ZNF804A: variants seen among roughly 807,000 people sequenced by gnomAD.
ZNF804A encodes the protein zinc finger protein 804A.
In ZNF804A, 2 loss-of-function variants were observed where a neutral mutation model predicts 16.5. The ratio of observed to expected loss-of-function variants is 0.12; its 90% confidence interval spans 0.05 to 0.38. The LOEUF is 0.38. ZNF804A is among the 10% of genes least tolerant of loss of function. The pLI, the probability that ZNF804A is intolerant of heterozygous loss-of-function variation, is 0.99. For synonymous variants in ZNF804A, 534 were observed against 489.6 expected (o/e 1.09, Z -1.20); for missense variants, 1,473 against 1,390.7 (o/e 1.06, Z -0.94).
At chr2:184,735,630 A>C (rs1693594653) in intron 1 of ZNF804A, among the ~76,000 whole-genome samples, 1 of 152,228 alleles carries the variant, frequency 6.6e-6, no homozygotes, top group African/African-American at 2.4e-5. Context: ...ATATTATTAC[A>C]CTAATTTCTG....
chr2:184,695,584 T>A (rs1253331067), intron 1 of ZNF804A, among the ~76,000 whole-genome samples: 1 of 151,842 alleles, frequency 6.6e-6, no homozygotes, highest in African/African-American at 2.4e-5. Context: ...GTTCAGCTAA[T>A]TTTTTTACAT....
chr2:184,693,895 T>TA lies in ZNF804A; in HGVS notation c.111+94836dup, dbSNP rs754165679. 1.1e-3 allele frequency among the ~76,000 whole-genome samples: 143 copies of TA among 130,224 alleles called. 1 individual carries two copies. The highest frequency in any genetic ancestry group is 2.1e-3 in the African/African-American group (77 of 35,934). 85.4% of individuals were successfully genotyped at this position (130,224 alleles called of 152,430 possible). A position where few individuals can be genotyped will look rare whatever the true frequency, so the allele number is the denominator to read the frequency against. On this transcript the variant is annotated intron_variant, in intron 1 of 3. Coordinates refer to ENST00000302277, the MANE Select transcript of ZNF804A (RefSeq NM_194250.2). The stretch of plus-strand genomic sequence containing the variant: ...CATGAATACTCAACTATTCTAAGAA[T>TA]AAAAAAAAAAATCGATGATGCAACT...
chr2:184,836,279 T>C (rs983764491), intron 1 of ZNF804A, among the ~76,000 whole-genome samples: 8 of 152,130 alleles, frequency 5.3e-5, no homozygotes, highest in Non-Finnish European at 1.0e-4. Flanking sequence ...TGCTGCCTGT[T>C]ACTAAAAGCA....
intron 1 of ZNF804A, among the ~76,000 whole-genome samples, chr2:184,621,598 C>T (rs1195942299): frequency 6.6e-6 from 1 of 151,610 alleles, no homozygotes; most frequent in Non-Finnish European, 1.5e-5. Flanking sequence ...TGATACTCTA[C>T]TAGGAGTATT....
intron 1 of ZNF804A, among the ~76,000 whole-genome samples, chr2:184,785,819 A>T (rs189317395): frequency 2.6e-4 from 40 of 152,220 alleles, no homozygotes; most frequent in South Asian, 2.1e-4. Flanking sequence ...GTACACATTG[A>T]TTATACTGGA....
intron 2 of ZNF804A, among the ~76,000 whole-genome samples, chr2:184,872,752 C>A (rs1450457033): frequency 6.6e-6 from 1 of 152,084 alleles, no homozygotes; most frequent in East Asian, 1.9e-4. Flanking sequence ...ATAAACTTCT[C>A]AAGCTGATTC....
At chr2:184,640,246 G>T (rs1465957106) in intron 1 of ZNF804A, among the ~76,000 whole-genome samples, 2 of 151,632 alleles carry the variant, frequency 1.3e-5, no homozygotes, top group East Asian at 3.9e-4. Flanking sequence ...GGAGGAAGAG[G>T]AGGAGGAGAA....
Position 184,838,385 on chromosome 2 carries a change from A to C in ZNF804A, c.112-27984A>C, listed in dbSNP as rs555047102. Among the ~76,000 whole-genome samples the C allele has an allele frequency of 3.9e-5, 6 of 152,246 alleles. No homozygotes were observed. The East Asian group carries it at 9.7e-4, about 24-fold the overall frequency. On this transcript the variant is annotated intron_variant, in intron 1 of 3. Transcript: ENST00000302277. Reference sequence around the variant, plus strand: ...TCATATCTAAAATGACAACAATAATAGGAACCAATGTTATGAAGTTGTTAT... The same window carrying C: ...TCATATCTAAAATGACAACAATAATCGGAACCAATGTTATGAAGTTGTTAT...
At chr2:184,702,078 T>C (rs1397062425) in intron 1 of ZNF804A, among the ~76,000 whole-genome samples, 2 of 151,982 alleles carry the variant, frequency 1.3e-5, no homozygotes, top group African/African-American at 2.4e-5. Context: ...AAGCCAGTTG[T>C]AGAATAAAAA....
At chr2:184,882,675 T>C (rs1684827262) in intron 2 of ZNF804A, among the ~76,000 whole-genome samples, 1 of 152,110 alleles carries the variant, frequency 6.6e-6, no homozygotes, top group Admixed American at 6.5e-5. Flanking sequence ...TTAAACAGCC[T>C]GCTCCTGATT....
At position 184,779,630 on chromosome 2, in the gene ZNF804A, C is replaced by T. The variant is rs144421756; in HGVS notation, c.112-86739C>T. On this transcript the variant is annotated intron_variant, in intron 1 of 3. Transcript: ENST00000302277. ...GGTAGAAGAGTCCCTGTCAGAGTGA[C>T]TTGAAGTGTGAAATGCTTGAATGGT... Among the ~76,000 whole-genome samples, 330 of 151,710 alleles carry T rather than the reference C, an allele frequency of 2.2e-3. 1 individual carries two copies. Among genetic ancestry groups the T allele is most frequent in the Middle Eastern group, 6.8e-3 (2 of 294 alleles).
intron 1 of ZNF804A, among the ~76,000 whole-genome samples, chr2:184,751,297 G>T (rs558662145): frequency 6.6e-6 from 1 of 151,510 alleles, no homozygotes; most frequent in Non-Finnish European, 1.5e-5. Flanking sequence ...TCAAAAAATG[G>T]TGTTGAGAAA....
intron 2 of ZNF804A, among the ~76,000 whole-genome samples, chr2:184,872,773 A>G (rs1228806464): frequency 1.3e-5 from 2 of 152,160 alleles, no homozygotes; most frequent in Admixed American, 6.5e-5. Flanking sequence ...CAAAATTTTT[A>G]TATAAGAATG....
In ZNF804A at chr2:184,938,416, T is replaced by A; in HGVS notation, c.3020T>A (p.Phe1007Tyr). The stretch of plus-strand genomic sequence containing the variant: ...CTTAACACACAACCACCATTACCAT[T>A]CAAAGAAGCACATGTCAGTGGTCAT... ...GILNTQPPLP[F>Y]KEAHVSGHTF... Residue 1007 changes from phenylalanine (F) to tyrosine (Y), a missense_variant, in exon 4 of 4, where the codon TTC (phenylalanine) becomes TAC (tyrosine). Coordinates refer to ENST00000302277, the MANE Select transcript of ZNF804A (RefSeq NM_194250.2). 6.2e-7 allele frequency: 1 copy of A among 1,613,998 alleles called. No individual in the cohort carries two copies. The highest frequency in any genetic ancestry group is 8.5e-7 in the Non-Finnish European group (1 of 1,180,000).
chr2:184,872,559 A>C (rs1357273809), intron 2 of ZNF804A, among the ~76,000 whole-genome samples: 4 of 152,164 alleles, frequency 2.6e-5, no homozygotes, highest in Non-Finnish European at 5.9e-5. Context: ...TAAACCTAAA[A>C]ATGCCATACA....
chr2:184,764,034 T>G (rs2105764852), intron 1 of ZNF804A, among the ~76,000 whole-genome samples: 1 of 152,250 alleles, frequency 6.6e-6, no homozygotes, highest in East Asian at 1.9e-4. Flanking sequence ...ATTCACTACT[T>G]TGAGTCTCTA....
At chr2:184,829,353 A>G (rs147130213) in intron 1 of ZNF804A, among the ~76,000 whole-genome samples, 1 of 152,122 alleles carries the variant, frequency 6.6e-6, no homozygotes, top group East Asian at 1.9e-4. Flanking sequence ...TCATACTAAT[A>G]GACATAGAAG....
At chr2:184,661,377 A>G (rs923364697) in intron 1 of ZNF804A, among the ~76,000 whole-genome samples, 1 of 152,146 alleles carries the variant, frequency 6.6e-6, no homozygotes, top group African/African-American at 2.4e-5. Context: ...TGCTGCCCAT[A>G]GCTGGGTGAG....
At chr2:184,654,149 A>G (rs1692036934) in intron 1 of ZNF804A, among the ~76,000 whole-genome samples, 1 of 152,232 alleles carries the variant, frequency 6.6e-6, no homozygotes, top group Non-Finnish European at 1.5e-5. Context: ...AAAAACAGAT[A>G]CAGCCTATAT....
Sources: allele counts gnomAD v4.1 joint callset (sites outside exome capture counted in the v4.1 genomes callset), GRCh38; gene constraint gnomAD v4.1.1; transcripts MANE v1.5; gene names NCBI Gene and HGNC (gene_info 2026-07-23, HGNC 2026-07-21).